The following ERBB4 variants were observed in gnomAD, a reference collection of about 807,000 sequenced individuals.
ERBB4 encodes receptor tyrosine-protein kinase erbB-4.
ERBB4 carries 42 observed loss-of-function variants against 158.0 expected under a neutral mutation model. The observed-to-expected ratio is 0.27, with a 90% CI of 0.21 to 0.34. The LOEUF (loss-of-function observed/expected upper bound fraction) is 0.34, where lower values mean the gene tolerates loss of function less well. Among genes scored for constraint, ERBB4 ranks in the 10% least tolerant of loss-of-function variants. The pLI is 1.00. For missense variants in ERBB4, 1,333 were observed against 1,624.1 expected (o/e 0.82, Z 3.08); for synonymous variants, 583 against 558.7 (o/e 1.04, Z -0.61).
intron 3 of ERBB4, among the ~76,000 whole-genome samples, chr2:211,854,085 A>G (rs1228785994): frequency 6.6e-6 from 1 of 152,112 alleles, no homozygotes; most frequent in African/African-American, 2.4e-5. Context: ...AATTTTCTCA[A>G]ATTGTTGCTT....
At chr2:211,443,573 A>C (rs1369475385) in intron 20 of ERBB4, among the ~76,000 whole-genome samples, 1 of 152,088 alleles carries the variant, frequency 6.6e-6, no homozygotes, top group Non-Finnish European at 1.5e-5. Context: ...GGTTAAAAGC[A>C]CATATCATAA....
At position 212,242,633 on chromosome 2, in the gene ERBB4, A is replaced by C. The variant is rs376510385; in HGVS notation, c.83-117730T>G. On this transcript the variant is annotated intron_variant, in intron 1 of 27. Transcript: ENST00000342788. ...TGTCAATTTAAAATAACACAGAGATAATCCTTATTCAGTTATAGCATGTTA... is the reference window on the plus strand; with the variant it reads ...TGTCAATTTAAAATAACACAGAGATCATCCTTATTCAGTTATAGCATGTTA... Among the ~76,000 whole-genome samples the C allele has an allele frequency of 1.8e-4, 27 of 152,310 alleles. No homozygotes were observed. In the South Asian group the frequency reaches 5.4e-3, roughly 30 times the overall value.
intron 5 of ERBB4, among the ~76,000 whole-genome samples, chr2:211,737,927 G>C (rs1311291468): frequency 2.0e-5 from 3 of 151,934 alleles, no homozygotes; most frequent in Non-Finnish European, 1.5e-5. Flanking sequence ...AATATACCCT[G>C]AATCCCCTTT....
At chr2:211,542,980 G>A (rs1025026334) in intron 20 of ERBB4, among the ~76,000 whole-genome samples, 2 of 151,962 alleles carry the variant, frequency 1.3e-5, no homozygotes, top group East Asian at 3.9e-4. Flanking sequence ...TGGTGAATTA[G>A]TAAGTTGGCA....
At chr2:212,001,489 G>A (rs557441914) in intron 2 of ERBB4, among the ~76,000 whole-genome samples, 16 of 152,122 alleles carry the variant, frequency 1.1e-4, no homozygotes, top group Non-Finnish European at 2.2e-4. Flanking sequence ...AAGGCTATGC[G>A]AGGATTTCTG....
At chr2:211,881,033 A>T (rs2078647336) in intron 3 of ERBB4, among the ~76,000 whole-genome samples, 1 of 152,206 alleles carries the variant, frequency 6.6e-6, no homozygotes, top group Non-Finnish European at 1.5e-5. Context: ...AGACCATGGC[A>T]CTCAGATCAG....
At chr2:212,425,702 GT>G (rs2091898616) in intron 1 of ERBB4, among the ~76,000 whole-genome samples, 1 of 151,786 alleles carries the variant, frequency 6.6e-6, no homozygotes, top group Non-Finnish European at 1.5e-5. Context: ...TGGTTACACT[GT>G]ATGTATCTTT....
chr2:211,558,544 A>T (rs2067298815), intron 20 of ERBB4, among the ~76,000 whole-genome samples: 1 of 152,180 alleles, frequency 6.6e-6, no homozygotes, highest in Non-Finnish European at 1.5e-5. Flanking sequence ...CTTTGAGGGT[A>T]AGATATTATT....
chr2:211,646,849 T>C (rs1187966456), intron 16 of ERBB4, among the ~76,000 whole-genome samples: 1 of 151,620 alleles, frequency 6.6e-6, no homozygotes, highest in Non-Finnish European at 1.5e-5. Context: ...TAGGGTGACC[T>C]TCAAGTTAGA....
At chr2:211,868,128 A>G (rs752660346) in intron 3 of ERBB4, among the ~76,000 whole-genome samples, 6 of 152,180 alleles carry the variant, frequency 3.9e-5, no homozygotes, top group Admixed American at 2.0e-4. Flanking sequence ...TTTAAGTCAG[A>G]TTTCTTAGAT....
chr2:212,392,043 G>C (rs1167525250), intron 1 of ERBB4, among the ~76,000 whole-genome samples: 4 of 151,224 alleles, frequency 2.6e-5, no homozygotes, highest in Non-Finnish European at 5.9e-5. Flanking sequence ...AGTTTTTATT[G>C]GCACATTTTA....
chr2:211,963,657 A>T, intron 2 of ERBB4, among the ~76,000 whole-genome samples: 1 of 151,552 alleles, frequency 6.6e-6, no homozygotes, highest in East Asian at 1.9e-4. Flanking sequence ...TTCTCTCTCC[A>T]TTGTAACCTA....
intron 20 of ERBB4, among the ~76,000 whole-genome samples, chr2:211,447,233 T>G (rs918603297): frequency 7.0e-6 from 1 of 142,740 alleles, no homozygotes; most frequent in Non-Finnish European, 1.6e-5. Flanking sequence ...TAATGCAAAT[T>G]TAATACTTTA....
chr2:211,476,863 C>A (rs2064966795), intron 20 of ERBB4, among the ~76,000 whole-genome samples: 1 of 152,000 alleles, frequency 6.6e-6, no homozygotes, highest in South Asian at 2.1e-4. Context: ...CAAAATTACA[C>A]CTATGGGAAA....
At chr2:211,918,866 TA>T (rs1302775240) in intron 3 of ERBB4, among the ~76,000 whole-genome samples, 1 of 152,138 alleles carries the variant, frequency 6.6e-6, no homozygotes, top group Non-Finnish European at 1.5e-5. Context: ...ATCTCATTCT[TA>T]TTACTGTTAA....
chr2:211,816,449 G>A (rs2076881759), intron 3 of ERBB4, among the ~76,000 whole-genome samples: 2 of 146,390 alleles, frequency 1.4e-5, no homozygotes, highest in Admixed American at 7.1e-5. Context: ...GCTGAGGCAC[G>A]AGAATTACTT....
chr2:211,971,744 T>C (rs1370177519), intron 2 of ERBB4, among the ~76,000 whole-genome samples: 12 of 152,130 alleles, frequency 7.9e-5, no homozygotes, highest in Admixed American at 6.6e-4. Context: ...GTTGGTTAAA[T>C]ATATGCAAGT....
chr2:211,547,638 C>G (rs1370993937), intron 20 of ERBB4, among the ~76,000 whole-genome samples: 3 of 151,966 alleles, frequency 2.0e-5, no homozygotes, highest in African/African-American at 4.8e-5. Flanking sequence ...CACTGTGCTC[C>G]TAAAATCTGC....
intron 19 of ERBB4, among the ~76,000 whole-genome samples, chr2:211,614,400 A>G (rs2069309233): frequency 6.6e-6 from 1 of 152,072 alleles, no homozygotes. Context: ...TGTGAATTTT[A>G]AGATGACTTA....
Sources: allele counts gnomAD v4.1 joint callset (sites outside exome capture counted in the v4.1 genomes callset), GRCh38; gene constraint gnomAD v4.1.1; transcripts MANE v1.5; gene names NCBI Gene and HGNC (gene_info 2026-07-23, HGNC 2026-07-21).